The following BTBD9 variants were observed in gnomAD, a reference collection of about 807,000 sequenced individuals.
The protein encoded by BTBD9 is BTB domain containing 9, also known as BTB/POZ domain-containing protein 9.
Under a neutral mutation model 64.3 loss-of-function variants are expected in BTBD9, and 49 were observed. The observed-to-expected ratio is 0.76, with a 90% CI of 0.61 to 0.97. BTBD9 has a LOEUF of 0.97. Ranked by LOEUF, BTBD9 falls within the 50% of genes least tolerant of loss-of-function variation. The pLI, the probability that BTBD9 is intolerant of heterozygous loss-of-function variation, is 0.00. For missense variants in BTBD9, 598 were observed against 762.1 expected, an observed-to-expected ratio of 0.78 and a Z score of 2.53; for synonymous variants, 260 against 274.7, an observed-to-expected ratio of 0.95 and a Z score of 0.53.
chr6:38,608,541 A>G (rs1457009687), intron 1 of BTBD9, among the ~76,000 whole-genome samples: 1 of 152,230 alleles, frequency 6.6e-6, no homozygotes. Context: ...AAGCAGTGGA[A>G]TCATCAATTG....
At chr6:38,521,751 T>A (rs1326313058) in intron 6 of BTBD9, among the ~76,000 whole-genome samples, 2 of 152,182 alleles carry the variant, frequency 1.3e-5, no homozygotes, top group Non-Finnish European at 1.5e-5. Context: ...CTTGGCTCAC[T>A]GCAACCTCTG....
chr6:38,614,808 T>C (rs1039824777), intron 1 of BTBD9, among the ~76,000 whole-genome samples: 3 of 152,222 alleles, frequency 2.0e-5, no homozygotes, highest in African/African-American at 7.2e-5. Flanking sequence ...AGTTCCTAAG[T>C]GATCTCCCGC....
intron 10 of BTBD9, 112 bp downstream of exon 10, chr6:38,192,407 T>A: frequency 3.2e-6 from 3 of 947,590 alleles, no homozygotes; most frequent in Non-Finnish European, 4.9e-6. Context: ...CCAAGCTGTC[T>A]GAATAGCAGG....
At chr6:38,574,239 A>G (rs892478076) in intron 6 of BTBD9, among the ~76,000 whole-genome samples, 2 of 152,198 alleles carry the variant, frequency 1.3e-5, no homozygotes, top group Non-Finnish European at 2.9e-5. Flanking sequence ...CTGCCATTAG[A>G]TAACATCGAC....
intron 6 of BTBD9, among the ~76,000 whole-genome samples, chr6:38,529,485 C>T (rs1159657359): frequency 6.6e-6 from 1 of 152,134 alleles, no homozygotes; most frequent in South Asian, 2.1e-4. Context: ...ACAGACAAGC[C>T]CAGACTGCAA....
intron 8 of BTBD9, among the ~76,000 whole-genome samples, chr6:38,273,012 C>G (rs1017060143): frequency 1.3e-5 from 2 of 152,140 alleles, no homozygotes; most frequent in Non-Finnish European, 2.9e-5. Context: ...AAAGTTCCAG[C>G]AAATGAGAAG....
intron 7 of BTBD9, among the ~76,000 whole-genome samples, chr6:38,343,278 C>G (rs76389926): frequency 6.6e-6 from 1 of 152,124 alleles, no homozygotes; most frequent in Admixed American, 6.5e-5. Flanking sequence ...ACAACAGCAC[C>G]CCTCATTACA....
chr6:38,179,269 C>A (rs774261233), intron 10 of BTBD9: 2 of 353,054 alleles, frequency 5.7e-6, no homozygotes, highest in African/African-American at 2.1e-5. Flanking sequence ...GACAACAAAC[C>A]TTTAAACCTT....
chr6:38,617,318 T>C (rs1425279164), intron 1 of BTBD9, among the ~76,000 whole-genome samples: 5 of 152,140 alleles, frequency 3.3e-5, no homozygotes, highest in African/African-American at 1.2e-4. Context: ...CAAGCGAGAC[T>C]TGCCCATCTA....
intron 6 of BTBD9, among the ~76,000 whole-genome samples, chr6:38,374,309 A>ATATATATG (rs1554143575): frequency 0.021 from 2,183 of 105,350 alleles, 136 homozygotes; most frequent in Middle Eastern, 0.05. Flanking sequence ...ATATATATGT[A>ATATATATG]TATATATATA....
intron 6 of BTBD9, among the ~76,000 whole-genome samples, chr6:38,431,778 G>A (rs1768454682): frequency 6.6e-6 from 1 of 151,962 alleles, no homozygotes; most frequent in Non-Finnish European, 1.5e-5. Context: ...ACTCTTGTCT[G>A]TCTATATCCC....
chr6:38,637,560 G>T (rs1225066498), intron 1 of BTBD9, among the ~76,000 whole-genome samples: 1 of 152,164 alleles, frequency 6.6e-6, no homozygotes, highest in Non-Finnish European at 1.5e-5. Context: ...TATTTTACAG[G>T]ATCAGCAGTA....
intron 6 of BTBD9, among the ~76,000 whole-genome samples, chr6:38,517,186 C>T (rs1446065485): frequency 6.6e-6 from 1 of 152,194 alleles, no homozygotes; most frequent in Non-Finnish European, 1.5e-5. Flanking sequence ...AGCTCTGGAA[C>T]ACTGCCAACA....
chr6:38,602,753 G>C (rs1777299189), intron 1 of BTBD9, among the ~76,000 whole-genome samples: 1 of 151,484 alleles, frequency 6.6e-6, no homozygotes, highest in Non-Finnish European at 1.5e-5. Context: ...TAGTGACTAA[G>C]ACAGAAATGG....
chr6:38,548,111 C>T (rs1009724435), intron 6 of BTBD9, among the ~76,000 whole-genome samples: 3 of 152,188 alleles, frequency 2.0e-5, no homozygotes, highest in African/African-American at 7.2e-5. Flanking sequence ...TTAGTTACCT[C>T]TGATTCAAAA....
At chr6:38,263,162 T>C (rs1764851831) in intron 8 of BTBD9, among the ~76,000 whole-genome samples, 1 of 152,232 alleles carries the variant, frequency 6.6e-6, no homozygotes, top group South Asian at 2.1e-4. Context: ...GTATACAGTA[T>C]ATTCTTTGGT....
At chr6:38,625,035 C>T (rs1778122497) in intron 1 of BTBD9, among the ~76,000 whole-genome samples, 1 of 152,016 alleles carries the variant, frequency 6.6e-6, no homozygotes, top group African/African-American at 2.4e-5. Flanking sequence ...CCCTTTTGTC[C>T]TTCTCCTCCT....
chr6:38,463,623 A>G (rs1770204389), intron 6 of BTBD9, among the ~76,000 whole-genome samples: 1 of 152,234 alleles, frequency 6.6e-6, no homozygotes, highest in Non-Finnish European at 1.5e-5. Flanking sequence ...AGAAGATCAC[A>G]TGATGTTTAG....
At chr6:38,248,069 T>C (rs1764271561) in intron 9 of BTBD9, among the ~76,000 whole-genome samples, 2 of 152,232 alleles carry the variant, frequency 1.3e-5, no homozygotes, top group Admixed American at 1.3e-4. Flanking sequence ...TATTTTGGCA[T>C]ATTTCCTTTT....
Sources: allele counts gnomAD v4.1 joint callset (sites outside exome capture counted in the v4.1 genomes callset), GRCh38; gene constraint gnomAD v4.1.1; transcripts MANE v1.5; gene names NCBI Gene and HGNC (gene_info 2026-07-23, HGNC 2026-07-21).